MCM3AP: variants seen among roughly 807,000 people sequenced by gnomAD.
MCM3AP encodes the protein minichromosome maintenance complex component 3 associated protein, also known as germinal-center associated nuclear protein.
Under a neutral mutation model 184.1 loss-of-function variants are expected in MCM3AP, and 126 were observed. That is an observed-to-expected ratio of 0.68 (90% CI 0.59 to 0.79). MCM3AP has a LOEUF of 0.79. MCM3AP is among the 30% of genes least tolerant of loss of function. The pLI, the probability that MCM3AP is intolerant of heterozygous loss-of-function variation, is 0.00. For synonymous variants in MCM3AP, 1,002 were observed against 979.3 expected (o/e 1.02, Z -0.43); for missense variants, 2,496 against 2,479.2 (o/e 1.01, Z -0.14).
rs1225390148 is a variant in MCM3AP, at chr21:46,261,399, A to G, written c.3348T>C (p.Ala1116=). ...CAGCTGTTAACAAATCCTCCATAGC[A>G]GCATTAGAAACACTAAACGGAGCAA... ...YAAAALGVSN[A]AMEDLLTAAT... is the part of the protein sequence containing the mutation. Residue 1116 remains alanine (A), a synonymous_variant, in exon 14 of 28, where the codon GCT becomes GCC. Coordinates refer to ENST00000291688, the MANE Select transcript of MCM3AP (RefSeq NM_003906.5). 6.2e-7 allele frequency: 1 copy of G among 1,614,134 alleles called. No individual in the cohort carries two copies. Among genetic ancestry groups the G allele is most frequent in the Admixed American group, 1.7e-5 (1 of 60,028 alleles).
At position 46,284,635 on chromosome 21, in the gene MCM3AP, A is replaced by T; in HGVS notation, c.652T>A (p.Ser218Thr). The T allele has an allele frequency of 1.9e-6, 3 of 1,614,208 alleles. No individual in the cohort carries two copies. The highest frequency in any genetic ancestry group is 2.5e-6 in the Non-Finnish European group (3 of 1,180,032). ...TFSKPVSSNN[S>T]LSAFTPALSN... ...AAAGCAGGGGTAAAGGCAGATAATG[A>T]ATTATTACTACTAACAGGTTTTGAA... Residue 218 changes from serine (S) to threonine (T), a missense_variant, in exon 1 of 28, where the codon TCA becomes ACA. Coordinates refer to ENST00000291688, the MANE Select transcript of MCM3AP (RefSeq NM_003906.5).
chr21:46,267,598 A>AT (rs2081129965), intron 9 of MCM3AP: 1 of 155,056 alleles, frequency 6.4e-6, no homozygotes, highest in East Asian at 1.9e-4. Flanking sequence ...AAAAAAAAAA[A>AT]AGAAGACAGA....
intron 6 of MCM3AP, among the ~76,000 whole-genome samples, chr21:46,274,511 G>A (rs2081230296): frequency 6.6e-6 from 1 of 152,138 alleles, no homozygotes; most frequent in Non-Finnish European, 1.5e-5. Flanking sequence ...AATGCTCATA[G>A]TTTACCCTAA....
chr21:46,260,063 A>G lies in MCM3AP; in HGVS notation c.3581+730T>C, dbSNP rs1226436919. On this transcript the variant is annotated intron_variant, in intron 15 of 27. Coordinates refer to ENST00000291688, the MANE Select transcript of MCM3AP (RefSeq NM_003906.5). Reference sequence around the variant, plus strand: ...TGCACTCCAGTGTGGGCGACAGAGCAAGACTCCGTCTTTAAAAAAAAAAAG... The same window carrying G: ...TGCACTCCAGTGTGGGCGACAGAGCGAGACTCCGTCTTTAAAAAAAAAAAG... Among the ~76,000 whole-genome samples the G allele has an allele frequency of 3.3e-5, 5 of 152,142 alleles. No individual in the cohort carries two copies. In the East Asian group the frequency reaches 5.8e-4, roughly 18 times the overall value.
rs760120930 is a variant in MCM3AP, at chr21:46,265,988, T to A, written c.2968A>T (p.Ile990Phe). 6.2e-7 allele frequency: 1 copy of A among 1,607,542 alleles called. No individual in the cohort carries two copies. Residue 990 changes from isoleucine (I) to phenylalanine (F), a missense_variant, in exon 11 of 28, where the codon ATC (isoleucine) becomes TTC (phenylalanine). Ile to Phe is a conservative substitution (Grantham distance 21, BLOSUM62 0). Coordinates refer to ENST00000291688, the MANE Select transcript of MCM3AP (RefSeq NM_003906.5). ...AGCTCCGCGGCCAGGCTCTCCCCGA[T>A]GTACTTGTTCTGGGAGTTGAAGCTG... ...VCSFNSQNKY[I>F]GESLAAELPV...
In MCM3AP at chr21:46,246,656, C is replaced by A. The variant is rs184019419; in HGVS notation, c.4521G>T (p.Gly1507=). The A allele has an allele frequency of 4.2e-5, 68 of 1,611,024 alleles. No individual in the cohort carries two copies. The East Asian group carries it at 1.3e-3, about 30-fold the overall frequency. ...PLVVLVPSPG[G]DAVEKEVEDG... ...CTTCTACTTCCTTCTCAACGGCGTC[C>A]CCTCCTGGGCTAGGCACAAGAACCA... The change falls in exon 21 of 28, where the codon GGG becomes GGT. Residue 1507 remains glycine (G), a synonymous_variant. Coordinates refer to ENST00000291688, the MANE Select transcript of MCM3AP (RefSeq NM_003906.5).
chr21:46,267,054 C>G lies in MCM3AP; in HGVS notation c.2717G>C (p.Arg906Pro), dbSNP rs187016623. 6.2e-7 allele frequency: 1 copy of G among 1,614,120 alleles called. No homozygotes were observed. Among genetic ancestry groups the G allele is most frequent in the Non-Finnish European group, 8.5e-7 (1 of 1,179,994 alleles). ...STIFPLDGVV[R>P]MLLFRDCEEA... ...TTCACAGTCTCTGAACAGCAGCATG[C>G]GCACCACACCATCCAGGGGAAAGAT... The change falls in exon 10 of 28, where the codon CGC (arginine) becomes CCC (proline). Residue 906 changes from arginine (R) to proline (P), a missense_variant. Physicochemically the swap from Arg to Pro is moderately radical, Grantham distance 103 (BLOSUM62 -2). Transcript: ENST00000291688.
At chr21:46,270,303 T>G in intron 9 of MCM3AP, 98 bp downstream of exon 9, 1 of 1,218,606 alleles carries the variant, frequency 8.2e-7, no homozygotes. Context: ...AGCATCAGCC[T>G]GAGACCTCCT....
At chr21:46,281,563 C>T (rs372696799) in intron 2 of MCM3AP, among the ~76,000 whole-genome samples, 3 of 151,940 alleles carry the variant, frequency 2.0e-5, no homozygotes, top group Non-Finnish European at 2.9e-5. Context: ...GGCTCATGCC[C>T]GTTATCCTAG....
Position 46,235,212 on chromosome 21 carries a change from T to G in MCM3AP, c.*56A>C, listed in dbSNP as rs2080496671. On this transcript the variant is annotated 3_prime_UTR_variant, in exon 28 of 28. Coordinates refer to ENST00000291688, the MANE Select transcript of MCM3AP (RefSeq NM_003906.5). ...ATCAAGCATCTGAGAATAACATTAT[T>G]TTGAGTAAAAACAGAAACTCTTCGG... The G allele has an allele frequency of 1.9e-6, 3 of 1,559,378 alleles. No individual in the cohort carries two copies. The highest frequency in any genetic ancestry group is 2.7e-5 in the African/African-American group (2 of 73,478).
intron 23 of MCM3AP, among the ~76,000 whole-genome samples, chr21:46,244,068 G>A (rs1156959154): frequency 2.0e-5 from 3 of 152,242 alleles, no homozygotes; most frequent in African/African-American, 4.8e-5. Flanking sequence ...CCAGAGCACC[G>A]AGGGCTTGTG....
Position 46,265,975 on chromosome 21 carries a change from A to G in MCM3AP, c.2981T>C (p.Leu994Pro). 6.2e-7 allele frequency: 1 copy of G among 1,603,870 alleles called. No individual in the cohort carries two copies. Among genetic ancestry groups the G allele is most frequent in the Non-Finnish European group, 8.5e-7 (1 of 1,173,990 alleles). ...NSQNKYIGES[L>P]AAELPVSTQR... ...GGTGCTGACGGGCAGCTCCGCGGCCAGGCTCTCCCCGATGTACTTGTTCTG... is the reference window on the plus strand; with the variant it reads ...GGTGCTGACGGGCAGCTCCGCGGCCGGGCTCTCCCCGATGTACTTGTTCTG... The change falls in exon 11 of 28, where the codon CTG (leucine) becomes CCG (proline). Residue 994 changes from leucine to proline, a missense_variant. Leu to Pro is a moderately conservative substitution (Grantham distance 98, BLOSUM62 -3). Transcript: ENST00000291688.
chr21:46,265,577 C>G, intron 11 of MCM3AP, 54 bp from the exon 12 acceptor site: 4 of 1,416,970 alleles, frequency 2.8e-6, no homozygotes, highest in Non-Finnish European at 3.8e-6. Flanking sequence ...GTGCCTGGCA[C>G]CACGGGGACC....
In MCM3AP at chr21:46,284,458, C is replaced by G. The variant is rs754041729; in HGVS notation, c.829G>C (p.Ala277Pro). ...GGAAGTGGTTCCACCTGGGAAACAG[C>G]TTCTTCACACCCCTGCCTGACACCT... ...KAGVRQGCEE[A>P]VSQVEPLPSL... The change falls in exon 1 of 28, where the codon GCT (alanine) becomes CCT (proline). Residue 277 changes from alanine to proline, a missense_variant. Physicochemically the swap from Ala to Pro is conservative, Grantham distance 27. Transcript: ENST00000291688. The G allele has an allele frequency of 1.2e-5, 20 of 1,614,074 alleles. No individual in the cohort carries two copies. Among genetic ancestry groups the G allele is most frequent in the Admixed American group, 1.7e-5 (1 of 59,986 alleles).
rs759313731 is a variant in MCM3AP, at chr21:46,257,003, G to GT, written c.3735-18dup. On this transcript the variant is annotated splice_polypyrimidine_tract_variant and intron_variant, in intron 16 of 27. Transcript: ENST00000291688. ...TCCCTCCACCTGGGGACATGAAAAT[G>GT]TATCATCACAGAGTGTTTTCAGGGT... 6.2e-7 allele frequency: 1 copy of GT among 1,605,218 alleles called. No homozygotes were observed. The highest frequency in any genetic ancestry group is 2.2e-5 in the East Asian group (1 of 44,648).
intron 26 of MCM3AP, among the ~76,000 whole-genome samples, chr21:46,237,902 T>C (rs1433783808): frequency 2.6e-5 from 3 of 113,746 alleles, no homozygotes; most frequent in African/African-American, 7.1e-5. Context: ...GAGTTCAAGA[T>C]CAGCCTGATC....
chr21:46,280,202 A>T (rs1354807273), intron 3 of MCM3AP, 65 bp from the exon 4 acceptor site: 35 of 1,502,572 alleles, frequency 2.3e-5, no homozygotes, highest in Non-Finnish European at 3.2e-5. Context: ...GGATTTTTTC[A>T]CTCTGTTTCT....
chr21:46,245,128 TGA>T lies in MCM3AP; in HGVS notation c.4715_4716del (p.Leu1572HisfsTer11). On this transcript the variant is annotated frameshift_variant, in exon 23 of 28. Coordinates refer to ENST00000291688, the MANE Select transcript of MCM3AP (RefSeq NM_003906.5). LOFTEE classifies it high-confidence loss of function. ...PHSLDLCCQT[L>X]IQYVEDGIGH... ...CCAATCCCGTCTTCGACGTACTGAA[TGA>T]GAGTCTGGCAGCAGAGGTCAAGGGA... 1 of 1,614,150 alleles carries T rather than the reference TGA, an allele frequency of 6.2e-7. No individual in the cohort carries two copies. Among genetic ancestry groups the T allele is most frequent in the Non-Finnish European group, 8.5e-7 (1 of 1,180,008 alleles).
intron 16 of MCM3AP, 76 bp downstream of exon 16, chr21:46,258,863 A>T: frequency 1.4e-6 from 2 of 1,435,114 alleles, no homozygotes; most frequent in African/African-American, 1.4e-5. Context: ...AGAAACTAAT[A>T]GCTCATATAT....
Sources: allele counts gnomAD v4.1 joint callset (sites outside exome capture counted in the v4.1 genomes callset), GRCh38; gene constraint gnomAD v4.1.1; transcripts MANE v1.5; gene names NCBI Gene and HGNC (gene_info 2026-07-23, HGNC 2026-07-21).